Variants in SLC8A3 observed in about 807,000 individuals in gnomAD.
The protein encoded by SLC8A3 is solute carrier family 8 member A3.
In SLC8A3, 37 loss-of-function variants were observed where a neutral mutation model predicts 65.4. That is an observed-to-expected ratio of 0.57 (90% CI 0.44 to 0.74). SLC8A3 has a LOEUF of 0.74. Ranked by LOEUF, SLC8A3 falls within the 30% of genes least tolerant of loss-of-function variation. SLC8A3 has a pLI of 0.00. For synonymous variants in SLC8A3, 461 were observed against 444.5 expected, an observed-to-expected ratio of 1.04 and a Z score of -0.47; for missense variants, 1,112 against 1,172.1, an observed-to-expected ratio of 0.95 and a Z score of 0.75.
chr14:70,097,811 G>A (rs767875445), intron 2 of SLC8A3, among the ~76,000 whole-genome samples: 10 of 152,094 alleles, frequency 6.6e-5, no homozygotes, highest in Non-Finnish European at 1.5e-4. Context: ...GCAGGTGAGG[G>A]CATAGTCTGG....
chr14:70,122,357 A>G (rs1894128514), intron 2 of SLC8A3, among the ~76,000 whole-genome samples: 1 of 152,134 alleles, frequency 6.6e-6, no homozygotes, highest in African/African-American at 2.4e-5. Context: ...AGACACACCC[A>G]TGGGGTCCTT....
chr14:70,051,529 A>G (rs1054152203), intron 4 of SLC8A3, among the ~76,000 whole-genome samples: 2 of 152,042 alleles, frequency 1.3e-5, no homozygotes, highest in African/African-American at 4.8e-5. Context: ...TCAAATTCCT[A>G]GGTATAAGTG....
At chr14:70,144,334 A>T (rs1006760756) in intron 2 of SLC8A3, among the ~76,000 whole-genome samples, 4,057 of 126,166 alleles carry the variant, frequency 0.032, 42 homozygotes, top group Non-Finnish European at 0.056. Flanking sequence ...TTTTTTTTAA[A>T]AAAAAAAAAA....
intron 2 of SLC8A3, among the ~76,000 whole-genome samples, chr14:70,165,381 C>T (rs891722210): frequency 3.9e-5 from 6 of 152,176 alleles, no homozygotes; most frequent in Admixed American, 1.3e-4. Flanking sequence ...TGGCTCCCCA[C>T]TTTTCCATGA....
chr14:70,072,918 G>A (rs1890142972), intron 2 of SLC8A3, among the ~76,000 whole-genome samples: 2 of 152,180 alleles, frequency 1.3e-5, no homozygotes, highest in African/African-American at 4.8e-5. Context: ...AAAGTGCTGG[G>A]ATTACAGGCA....
intron 2 of SLC8A3, among the ~76,000 whole-genome samples, chr14:70,091,158 C>T (rs1024983885): frequency 6.6e-6 from 1 of 152,190 alleles, no homozygotes; most frequent in Non-Finnish European, 1.5e-5. Context: ...TAGTCAAGCC[C>T]AGCATGGCAC....
chr14:70,120,649 G>T (rs1339340852), intron 2 of SLC8A3, among the ~76,000 whole-genome samples: 1 of 152,214 alleles, frequency 6.6e-6, no homozygotes, highest in Non-Finnish European at 1.5e-5. Context: ...GCCGGGTCCT[G>T]TCCTCCCTCT....
At chr14:70,106,585 T>C (rs1169797672) in intron 2 of SLC8A3, among the ~76,000 whole-genome samples, 1 of 152,144 alleles carries the variant, frequency 6.6e-6, no homozygotes, top group Non-Finnish European at 1.5e-5. Flanking sequence ...GGTAATAATC[T>C]TTATTTAATA....
intron 2 of SLC8A3, among the ~76,000 whole-genome samples, chr14:70,072,473 C>T (rs1462054226): frequency 6.6e-6 from 1 of 152,016 alleles, no homozygotes; most frequent in Admixed American, 6.5e-5. Flanking sequence ...GGTAGCTCTA[C>T]AGGGTAGAAA....
intron 2 of SLC8A3, among the ~76,000 whole-genome samples, chr14:70,071,136 G>A (rs565478697): frequency 6.6e-6 from 1 of 152,276 alleles, no homozygotes; most frequent in South Asian, 2.1e-4. Context: ...GTATAAATGT[G>A]CTTATTCAAA....
chr14:70,116,753 A>G (rs1426982054), intron 2 of SLC8A3, among the ~76,000 whole-genome samples: 1 of 152,234 alleles, frequency 6.6e-6, no homozygotes, highest in African/African-American at 2.4e-5. Flanking sequence ...GCACTTGCAC[A>G]GAAGGTTTAA....
At chr14:70,134,406 C>G (rs1037339206) in intron 2 of SLC8A3, among the ~76,000 whole-genome samples, 3 of 152,110 alleles carry the variant, frequency 2.0e-5, no homozygotes, top group African/African-American at 7.2e-5. Context: ...ATTCCTTTGC[C>G]GTCCATACCA....
intron 2 of SLC8A3, among the ~76,000 whole-genome samples, chr14:70,069,026 T>C (rs1272466610): frequency 6.6e-6 from 1 of 152,196 alleles, no homozygotes; most frequent in African/African-American, 2.4e-5. Flanking sequence ...TCAATTATGA[T>C]TACTTCCATT....
In SLC8A3 at chr14:70,156,841, G is replaced by T. The variant is rs74062814; in HGVS notation, c.1784+9798C>A. On this transcript the variant is annotated intron_variant, in intron 2 of 6. Coordinates refer to ENST00000356921, the MANE Select transcript of SLC8A3 (RefSeq NM_182932.3). The stretch of plus-strand genomic sequence containing the variant: ...GGGAAGCTTTCTGTCTTGCTTTACA[G>T]CACAGGCTGCTCTGGAAATCCAAAC... 5.1e-3 allele frequency among the ~76,000 whole-genome samples: 776 copies of T among 152,268 alleles called. 10 individuals carry two copies. The highest frequency in any genetic ancestry group is 0.017 in the African/African-American group (705 of 41,530).
At chr14:70,142,111 G>A (rs969809193) in intron 2 of SLC8A3, among the ~76,000 whole-genome samples, 5 of 152,228 alleles carry the variant, frequency 3.3e-5, no homozygotes, top group Non-Finnish European at 7.3e-5. Flanking sequence ...GAAATCAGAA[G>A]GGTGAGACCC....
intron 3 of SLC8A3, among the ~76,000 whole-genome samples, chr14:70,055,471 T>C (rs918167500): frequency 3.3e-5 from 5 of 152,198 alleles, no homozygotes; most frequent in Non-Finnish European, 5.9e-5. Flanking sequence ...CAACATGAGA[T>C]GGCAGATGAA....
At chr14:70,159,603 A>G (rs572488588) in intron 2 of SLC8A3, among the ~76,000 whole-genome samples, 1 of 152,334 alleles carries the variant, frequency 6.6e-6, no homozygotes, top group East Asian at 1.9e-4. Flanking sequence ...TTGGACAGCC[A>G]GAAAGAGTCC....
At chr14:70,141,221 A>G (rs1414801776) in intron 2 of SLC8A3, among the ~76,000 whole-genome samples, 4 of 152,232 alleles carry the variant, frequency 2.6e-5, no homozygotes, top group African/African-American at 9.6e-5. Context: ...TTTAACTAAC[A>G]TTTGGAAAGA....
rs766546818 is a variant in SLC8A3, at chr14:70,046,117, C to T, written c.2596G>A (p.Ala866Thr). ...AAGAGCACGCTGATGCAGACAAATG[C>T]AAAGATGGTGAAGAGGGTGACGGAG... is the stretch of plus-strand genomic sequence containing the variant. The part of the protein sequence containing the change: ...AFSVTLFTIF[A>T]FVCISVLLYR... Residue 866 changes from alanine to threonine, a missense_variant, in exon 7 of 7, where the codon GCA becomes ACA. By Grantham distance (58) the Ala-to-Thr change is moderately conservative. Transcript: ENST00000356921. The surrounding 1 kb of genome is among the most constrained non-coding windows in gnomAD (Gnocchi z 4.2). 6.6e-5 allele frequency: 107 copies of T among 1,614,056 alleles called. No individual in the cohort carries two copies. Among genetic ancestry groups the T allele is most frequent in the Non-Finnish European group, 8.6e-5 (102 of 1,180,020 alleles).
Sources: gnomAD v4.1 joint callset for allele counts (sites outside exome capture counted in the v4.1 genomes callset) on GRCh38, gnomAD v4.1.1 for gene constraint, Gnocchi (gnomAD v3.1) non-coding constraint, MANE v1.5 for transcripts, NCBI Gene and HGNC (gene_info 2026-07-23, HGNC 2026-07-21) for gene names.